Variants in TMEM109 observed in about 807,000 individuals in gnomAD.
TMEM109 encodes the protein transmembrane protein 109.
A neutral mutation model predicts 26.4 loss-of-function variants in TMEM109; 19 were observed. That is an observed-to-expected ratio of 0.72 (90% CI 0.50 to 1.06). The LOEUF (loss-of-function observed/expected upper bound fraction) is 1.06, where lower values mean the gene tolerates loss of function less well. Ranked by LOEUF, TMEM109 falls within the 50% of genes least tolerant of loss-of-function variation. The pLI is 0.00. For missense variants in TMEM109, 262 were observed against 303.4 expected (o/e 0.86, Z 1.01); for synonymous variants, 129 against 142.0 (o/e 0.91, Z 0.65).
At position 60,921,800 on chromosome 11, in the gene TMEM109, C is replaced by T; in HGVS notation, c.367C>T (p.Leu123Phe). 6.2e-7 allele frequency: 1 copy of T among 1,613,112 alleles called. No individual in the cohort carries two copies. Among genetic ancestry groups the T allele is most frequent in the Non-Finnish European group, 8.5e-7 (1 of 1,179,890 alleles). Residue 123 changes from leucine (L) to phenylalanine (F), a missense_variant, in exon 4 of 4, where the codon CTC (leucine) becomes TTC (phenylalanine). Transcript: ENST00000227525. ...AGDYLAQGLK[L>F]SPGQVQTFLL... ...TGATTACCTCGCCCAGGGCCTGAAG[C>T]TCAGCCCTGGCCAGGTCCAGACCTT...
intron 1 of TMEM109, among the ~76,000 whole-genome samples, chr11:60,919,358 A>C (rs1325797194): frequency 6.6e-6 from 1 of 152,234 alleles, no homozygotes; most frequent in African/African-American, 2.4e-5. Flanking sequence ...ATAGCACCTA[A>C]GATACAGGGA....
At chr11:60,921,117 A>C in intron 3 of TMEM109, 129 bp downstream of exon 3, 1 of 785,380 alleles carries the variant, frequency 1.3e-6, no homozygotes, top group Non-Finnish European at 2.1e-6. Flanking sequence ...CTGCAGAGAC[A>C]TGGCCAAAGA....
At position 60,921,845 on chromosome 11, in the gene TMEM109, G is replaced by T. The variant is rs774546009; in HGVS notation, c.412G>T (p.Ala138Ser). The T allele has an allele frequency of 6.2e-7, 1 of 1,614,156 alleles. No individual in the cohort carries two copies. The highest frequency in any genetic ancestry group is 1.7e-5 in the Admixed American group (1 of 60,030). Residue 138 changes from alanine to serine, a missense_variant, in exon 4 of 4, where the codon GCC (alanine) becomes TCC (serine). By Grantham distance (99) the Ala-to-Ser change is moderately conservative. Coordinates refer to ENST00000227525, the MANE Select transcript of TMEM109 (RefSeq NM_024092.3). ...GACCTTCCTGCTGTGGGGAGCAGGG[G>T]CCCTGGTCGTCTACTGGCTGCTGTC... ...VQTFLLWGAG[A>S]LVVYWLLSLL... is the part of the protein sequence containing the mutation.
rs1446314378 is a variant in TMEM109, at chr11:60,920,931, G to A, written c.283G>A (p.Ala95Thr). The A allele has an allele frequency of 6.2e-7, 1 of 1,614,068 alleles. No individual in the cohort carries two copies. Among genetic ancestry groups the A allele is most frequent in the Admixed American group, 1.7e-5 (1 of 60,002 alleles). ...LWAISSAISV[A>T]FFALSGIAAQ... is the part of the protein sequence containing the mutation. ...GGCCATCTCATCAGCCATTTCTGTG[G>A]CCTTCTTTGCTCTGTCTGGGATCGC... The change falls in exon 3 of 4, where the codon GCC (alanine) becomes ACC (threonine). Residue 95 changes from alanine to threonine, a missense_variant. Coordinates refer to ENST00000227525, the MANE Select transcript of TMEM109 (RefSeq NM_024092.3).
chr11:60,914,568 G>A lies in TMEM109; in HGVS notation c.-9+300G>A, dbSNP rs569561292. Among the ~76,000 whole-genome samples, 5 of 152,330 alleles carry A rather than the reference G, an allele frequency of 3.3e-5. No homozygotes were observed. The South Asian group carries it at 1.0e-3, about 32-fold the overall frequency. ...TGGGGACCAGGCCAGCGCCAAGCCC[G>A]AGCCCCCGAACCCCGACCCACGGCC... On this transcript the variant is annotated intron_variant, in intron 1 of 3. Transcript: ENST00000227525.
intron 1 of TMEM109, among the ~76,000 whole-genome samples, chr11:60,917,565 GAGCACAA>G (rs1228333628): frequency 6.6e-6 from 1 of 152,236 alleles, no homozygotes; most frequent in African/African-American, 2.4e-5. Context: ...TACAAGACCA[GAGCACAA>G]AGCACAAAGT....
intron 3 of TMEM109, 102 bp from the exon 4 acceptor site, chr11:60,921,672 C>T (rs190543238): frequency 2.2e-4 from 189 of 862,710 alleles, no homozygotes; most frequent in Middle Eastern, 1.4e-3. Context: ...CGGCTTATTC[C>T]TTTGCAATGT....
intron 1 of TMEM109, chr11:60,918,357 G>A (rs1229944726): frequency 2.0e-5 from 3 of 152,156 alleles, no homozygotes; most frequent in African/African-American, 7.2e-5. Flanking sequence ...GAAGTCTAAG[G>A]GCATGGCGCT....
At chr11:60,917,704 G>A (rs1329132653) in intron 1 of TMEM109, among the ~76,000 whole-genome samples, 2 of 152,102 alleles carry the variant, frequency 1.3e-5, no homozygotes, top group African/African-American at 4.8e-5. Context: ...TGCCCAGGAT[G>A]GGATACAGTG....
At chr11:60,916,334 G>A (rs909708282) in intron 1 of TMEM109, among the ~76,000 whole-genome samples, 5 of 152,210 alleles carry the variant, frequency 3.3e-5, no homozygotes, top group African/African-American at 9.6e-5. Flanking sequence ...TATAACATAT[G>A]TATATGTATA....
chr11:60,914,313 G>A (rs1301476273), intron 1 of TMEM109, 45 bp downstream of exon 1: 1 of 152,422 alleles, frequency 6.6e-6, no homozygotes, highest in Admixed American at 6.5e-5. Flanking sequence ...GCACGGGAAG[G>A]GGAGACAGCA....
Position 60,921,843 on chromosome 11 carries a change from G to C in TMEM109, c.410G>C (p.Gly137Ala), listed in dbSNP as rs771374233. ...QVQTFLLWGA[G>A]ALVVYWLLSL... The stretch of plus-strand genomic sequence containing the variant: ...CAGACCTTCCTGCTGTGGGGAGCAG[G>C]GGCCCTGGTCGTCTACTGGCTGCTG... Residue 137 changes from glycine (G) to alanine (A), a missense_variant, in exon 4 of 4, where the codon GGG becomes GCG. Physicochemically the swap from Gly to Ala is moderately conservative, Grantham distance 60. Coordinates refer to ENST00000227525, the MANE Select transcript of TMEM109 (RefSeq NM_024092.3). The C allele has an allele frequency of 6.2e-7, 1 of 1,614,186 alleles. No homozygotes were observed. The highest frequency in any genetic ancestry group is 8.5e-7 in the Non-Finnish European group (1 of 1,180,044).
At position 60,919,813 on chromosome 11, in the gene TMEM109, A is replaced by G; in HGVS notation, c.120A>G (p.Ala40=). Residue 40 remains alanine, a synonymous_variant, in exon 2 of 4, where the codon GCA becomes GCG. Coordinates refer to ENST00000227525, the MANE Select transcript of TMEM109 (RefSeq NM_024092.3). ...TGGCCCAGTCCCGTCGAGACTTTGC[A>G]CCACCAGGCCAACAGAAGAGAGAAG... ...SALAQSRRDF[A]PPGQQKREAP... is the part of the protein sequence containing the mutation. 6.2e-7 allele frequency: 1 copy of G among 1,614,160 alleles called. No homozygotes were observed.
At chr11:60,916,089 T>C (rs1856171643) in intron 1 of TMEM109, among the ~76,000 whole-genome samples, 3 of 152,146 alleles carry the variant, frequency 2.0e-5, no homozygotes, top group Non-Finnish European at 4.4e-5. Flanking sequence ...ATGTCCACTA[T>C]CAAGGCAGCA....
At chr11:60,915,449 G>A (rs1236756253) in intron 1 of TMEM109, among the ~76,000 whole-genome samples, 1 of 152,216 alleles carries the variant, frequency 6.6e-6, no homozygotes, top group African/African-American at 2.4e-5. Flanking sequence ...TGAGCTGCTG[G>A]CTATGCATCC....
chr11:60,921,725 C>T (rs1270934072), intron 3 of TMEM109, 49 bp from the exon 4 acceptor site: 3 of 1,500,082 alleles, frequency 2.0e-6, no homozygotes, highest in East Asian at 4.5e-5. Flanking sequence ...CCGCTCTCCC[C>T]TCACCACTTC....
intron 3 of TMEM109, 107 bp downstream of exon 3, chr11:60,921,095 C>G (rs1245845485): frequency 3.0e-6 from 3 of 997,348 alleles, no homozygotes; most frequent in African/African-American, 3.2e-5. Context: ...CTGCTTAACC[C>G]TTCCCAGGAT....
intron 2 of TMEM109, among the ~76,000 whole-genome samples, chr11:60,920,228 G>T (rs1565116014): frequency 6.6e-6 from 1 of 152,154 alleles, no homozygotes; most frequent in Non-Finnish European, 1.5e-5. Context: ...TCTCACTTTG[G>T]TCTAAATCTG....
intron 1 of TMEM109, among the ~76,000 whole-genome samples, chr11:60,918,257 G>C (rs1444448333): frequency 6.6e-6 from 1 of 152,096 alleles, no homozygotes; most frequent in Non-Finnish European, 1.5e-5. Flanking sequence ...CACTGTCCTC[G>C]TCCATTTTCT....
Sources: allele counts gnomAD v4.1 joint callset (sites outside exome capture counted in the v4.1 genomes callset), GRCh38; gene constraint gnomAD v4.1.1; transcripts MANE v1.5; gene names NCBI Gene and HGNC (gene_info 2026-07-23, HGNC 2026-07-21).